The following SWT1 variants were observed in gnomAD, a reference collection of about 807,000 sequenced individuals.
The protein encoded by SWT1 is transcriptional protein SWT1.
In SWT1, 33 loss-of-function variants were observed where a neutral mutation model predicts 107.3. The ratio of observed to expected loss-of-function variants is 0.31; its 90% CI spans 0.23 to 0.41. The LOEUF is 0.41. SWT1 is among the 10% of genes least tolerant of loss of function. The pLI is 1.00. For synonymous variants in SWT1, 345 were observed against 348.3 expected (o/e 0.99, Z 0.11); for missense variants, 898 against 1,028.9 (o/e 0.87, Z 1.74).
At chr1:185,280,948 T>G (rs1295194453) in intron 18 of SWT1, 1 of 484,702 alleles carries the variant, frequency 2.1e-6, no homozygotes, top group Non-Finnish European at 4.2e-6. Context: ...AGAAGCATGT[T>G]GGTGTGCTAT....
intron 18 of SWT1, among the ~76,000 whole-genome samples, chr1:185,280,262 T>C (rs149199253): frequency 2.0e-4 from 30 of 152,296 alleles, no homozygotes; most frequent in African/African-American, 7.2e-4. Context: ...TCCTCCATGA[T>C]TGTAAGTTTC....
chr1:185,228,196 T>C lies in SWT1; in HGVS notation c.2310-3381T>C, dbSNP rs1474315691. On this transcript the variant is annotated intron_variant, in intron 15 of 18. Coordinates refer to ENST00000367500, the MANE Select transcript of SWT1 (RefSeq NM_017673.7). ...ATATATATATATATATATACATATA[T>C]ATATACTCAGTATGTTTTTCTTCAG... Among the ~76,000 whole-genome samples, 327 of 102,896 alleles carry C rather than the reference T, an allele frequency of 3.2e-3. 1 individual carries two copies. Among genetic ancestry groups the C allele is most frequent in the African/African-American group, 0.013 (313 of 24,094 alleles). 67.5% of individuals were successfully genotyped at this position (102,896 alleles called of 152,430 possible).
rs118117104 is a variant in SWT1, at chr1:185,158,261, C to T, written c.-10+947C>T. Among the ~76,000 whole-genome samples, 840 of 152,128 alleles carry T rather than the reference C, an allele frequency of 5.5e-3. 31 individuals are homozygous for T. In the East Asian group the frequency reaches 0.086, roughly 16 times the overall value. On this transcript the variant is annotated intron_variant, in intron 1 of 18. Transcript: ENST00000367500. ...CCCCCTATAGTTAAGAAGTATATATCTGGAGGGGTGTGTGTGTGTGTTTAA... is the reference window on the plus strand; with the variant it reads ...CCCCCTATAGTTAAGAAGTATATATTTGGAGGGGTGTGTGTGTGTGTTTAA...
intron 5 of SWT1, chr1:185,177,068 A>G (rs1434943762): frequency 2.7e-5 from 27 of 982,152 alleles, no homozygotes; most frequent in Admixed American, 6.2e-5. Context: ...AGGAGGCCAG[A>G]AGAGCTTGGG....
Position 185,187,771 on chromosome 1 carries a change from G to A in SWT1, c.1430-2778G>A, listed in dbSNP as rs113915151. On this transcript the variant is annotated intron_variant, in intron 9 of 18. Coordinates refer to ENST00000367500, the MANE Select transcript of SWT1 (RefSeq NM_017673.7). The stretch of plus-strand genomic sequence containing the variant: ...GTGATCTCAGCTCACTGCAATCTCC[G>A]CCTCCCGGCCTCAAGTGTGCGATTC... Among the ~76,000 whole-genome samples, 88 of 152,002 alleles carry A rather than the reference G, an allele frequency of 5.8e-4. 3 individuals are homozygous for A. In the East Asian group the frequency reaches 0.011, roughly 19 times the overall value.
intron 10 of SWT1, among the ~76,000 whole-genome samples, chr1:185,191,752 C>A (rs1396705529): frequency 6.6e-6 from 1 of 151,892 alleles, no homozygotes; most frequent in East Asian, 1.9e-4. Context: ...AGAAGTAATT[C>A]TTTGTTATGT....
intron 16 of SWT1, 29 bp from the exon 17 acceptor site, chr1:185,271,294 C>A: frequency 1.7e-6 from 2 of 1,180,772 alleles, no homozygotes; most frequent in East Asian, 2.3e-5. Context: ...TCATTTATTC[C>A]CCCCCTTTGT....
At position 185,290,979 on chromosome 1, in the gene SWT1, A is replaced by G. The variant is rs995705691; in HGVS notation, c.*176A>G. 7 of 412,570 alleles carry G rather than the reference A, an allele frequency of 1.7e-5. No individual in the cohort carries two copies. The highest frequency in any genetic ancestry group is 4.2e-5 in the East Asian group (1 of 23,980). The allele number at this position is 412,570 out of a possible 1,614,324, so 25.6% of individuals were successfully genotyped here. On this transcript the variant is annotated 3_prime_UTR_variant, in exon 19 of 19. Transcript: ENST00000367500. Reference sequence around the variant, plus strand: ...ATTGTAGCTCTAAAAAGCCTAATGTATCCACTGTGGAATAAACTCCATAGA... The same window carrying G: ...ATTGTAGCTCTAAAAAGCCTAATGTGTCCACTGTGGAATAAACTCCATAGA...
At chr1:185,261,310 A>T (rs1238240738) in intron 16 of SWT1, among the ~76,000 whole-genome samples, 1 of 152,132 alleles carries the variant, frequency 6.6e-6, no homozygotes, top group Non-Finnish European at 1.5e-5. Flanking sequence ...TTAAATATTC[A>T]TCTATGTTGT....
chr1:185,259,191 A>G (rs558709775), intron 16 of SWT1, among the ~76,000 whole-genome samples: 2 of 152,156 alleles, frequency 1.3e-5, no homozygotes, highest in African/African-American at 2.4e-5. Flanking sequence ...AAGTCAGCCA[A>G]TATTAATCAA....
At chr1:185,202,836 T>G in intron 11 of SWT1, 37 bp downstream of exon 11, 1 of 1,112,522 alleles carries the variant, frequency 9.0e-7, no homozygotes, top group Non-Finnish European at 1.2e-6. Context: ...AGATATATCT[T>G]ATTTTATACA....
rs192393857 is a variant in SWT1 at position 185,225,924 on chromosome 1, C to T, written c.2309+3888C>T. 1.3e-3 allele frequency among the ~76,000 whole-genome samples: 192 copies of T among 152,200 alleles called. 2 individuals carry two copies. The highest frequency in any genetic ancestry group is 9.9e-3 in the South Asian group (48 of 4,826). On this transcript the variant is annotated intron_variant, in intron 15 of 18. Coordinates refer to ENST00000367500, the MANE Select transcript of SWT1 (RefSeq NM_017673.7). Reference sequence around the variant, plus strand: ...CATAAACTATCTACTGGCTTTATAACCTGTCATGCTAAAGAAATAACAATA... The same window carrying T: ...CATAAACTATCTACTGGCTTTATAATCTGTCATGCTAAAGAAATAACAATA...
intron 16 of SWT1, among the ~76,000 whole-genome samples, chr1:185,257,038 C>T (rs182541221): frequency 0.013 from 1,995 of 152,046 alleles, 38 homozygotes; most frequent in African/African-American, 0.046. Flanking sequence ...GAATACCCTG[C>T]CGTGTGAGGT....
At chr1:185,170,204 C>A (rs1274425658) in intron 4 of SWT1, among the ~76,000 whole-genome samples, 1 of 152,192 alleles carries the variant, frequency 6.6e-6, no homozygotes, top group Non-Finnish European at 1.5e-5. Flanking sequence ...CTTTTAAAAA[C>A]CTGAATTTTA....
At chr1:185,235,555 A>G (rs1369442804) in intron 16 of SWT1, among the ~76,000 whole-genome samples, 2 of 152,328 alleles carry the variant, frequency 1.3e-5, no homozygotes, top group African/African-American at 2.4e-5. Flanking sequence ...TATTGATACA[A>G]TGTATCTCAA....
intron 2 of SWT1, among the ~76,000 whole-genome samples, chr1:185,163,663 G>A (rs1367765095): frequency 6.6e-6 from 1 of 152,054 alleles, no homozygotes; most frequent in Admixed American, 6.6e-5. Context: ...CAAAGTGCTG[G>A]GATTACAGGC....
chr1:185,195,959 G>A (rs887160653), intron 10 of SWT1, among the ~76,000 whole-genome samples: 1 of 152,146 alleles, frequency 6.6e-6, no homozygotes, highest in African/African-American at 2.4e-5. Context: ...TAACCCTGAT[G>A]ATAGTTTCTT....
chr1:185,188,948 A>C (rs1032241785), intron 9 of SWT1, among the ~76,000 whole-genome samples: 1 of 152,084 alleles, frequency 6.6e-6, no homozygotes, highest in Non-Finnish European at 1.5e-5. Flanking sequence ...TCTTTGGTCC[A>C]ATTTCTACAC....
chr1:185,288,805 A>G (rs1448762864), intron 18 of SWT1, among the ~76,000 whole-genome samples: 1 of 152,142 alleles, frequency 6.6e-6, no homozygotes, highest in Admixed American at 6.6e-5. Flanking sequence ...TGAATTCTAG[A>G]TGCTAGATAT....
Sources: gnomAD v4.1 joint callset for allele counts (sites outside exome capture counted in the v4.1 genomes callset) on GRCh38, gnomAD v4.1.1 for gene constraint, MANE v1.5 for transcripts, NCBI Gene and HGNC (gene_info 2026-07-23, HGNC 2026-07-21) for gene names.